CNTD1: variants seen among roughly 807,000 people sequenced by gnomAD.
The protein encoded by CNTD1 is cyclin N-terminal domain-containing protein 1.
Under a neutral mutation model 36.3 loss-of-function variants are expected in CNTD1, and 17 were observed. The ratio of observed to expected loss-of-function variants is 0.47; its 90% confidence interval spans 0.32 to 0.70. The LOEUF (loss-of-function observed/expected upper bound fraction) is 0.70. Among genes scored for constraint, CNTD1 ranks in the 30% least tolerant of loss-of-function variants. The pLI is 0.03. For synonymous variants in CNTD1, 128 were observed against 153.3 expected (o/e 0.83, Z 1.22); for missense variants, 338 against 386.1 (o/e 0.88, Z 1.04).
chr17:42,803,730 C>G lies in CNTD1; in HGVS notation c.245+35C>G, dbSNP rs762029338. 3 of 1,524,668 alleles carry G rather than the reference C, an allele frequency of 2.0e-6. No homozygotes were observed. The African/African-American group carries it at 4.1e-5, about 21-fold the overall frequency. 94.4% of individuals were successfully genotyped at this position (1,524,668 alleles called of 1,614,324 possible). ...TGGCATAATGCCTTTTGAACGGCAC[C>G]TCTCAGAGTGGCTAATGTACCTACA... is the stretch of plus-strand genomic sequence containing the variant. On this transcript the variant is annotated intron_variant, in intron 2 of 6. Coordinates refer to ENST00000588408, the MANE Select transcript of CNTD1 (RefSeq NM_173478.3).
intron 2 of CNTD1, among the ~76,000 whole-genome samples, 164 bp downstream of exon 2, chr17:42,803,859 C>T (rs1424562286): frequency 1.3e-5 from 2 of 152,160 alleles, no homozygotes; most frequent in Non-Finnish European, 2.9e-5. Context: ...TGTTTTGAGA[C>T]AGGGTCTTGC....
chr17:42,808,077 G>A (rs1007490736), intron 6 of CNTD1, among the ~76,000 whole-genome samples: 5 of 152,098 alleles, frequency 3.3e-5, no homozygotes, highest in African/African-American at 7.2e-5. Context: ...GCCCAAGTTC[G>A]GCTTGTTCAT....
intron 1 of CNTD1, among the ~76,000 whole-genome samples, chr17:42,801,511 ATATATATATATATAT>A (rs1423950244): frequency 0.015 from 886 of 60,364 alleles, 82 homozygotes; most frequent in African/African-American, 0.04. Flanking sequence ...AAAAAAAAAA[ATATATATATATATAT>A]ATATATATAT....
chr17:42,811,553 G>T lies in CNTD1; in HGVS notation c.*2018G>T. ...TCATGTGATTCTGTGCCATTTTTTT[G>T]CTTTCCCACCATTTATACTGTTTTG... On this transcript the variant is annotated 3_prime_UTR_variant, in exon 7 of 7. Coordinates refer to ENST00000588408, the MANE Select transcript of CNTD1 (RefSeq NM_173478.3). 5 of 1,453,986 alleles carry T rather than the reference G, an allele frequency of 3.4e-6. No homozygotes were observed. The highest frequency in any genetic ancestry group is 1.4e-5 in the African/African-American group (1 of 70,092). 90.1% of individuals were successfully genotyped at this position (1,453,986 alleles called of 1,614,324 possible).
chr17:42,800,027 A>G (rs1325632867), intron 1 of CNTD1, among the ~76,000 whole-genome samples: 1 of 148,586 alleles, frequency 6.7e-6, no homozygotes, highest in African/African-American at 2.5e-5. Context: ...TGGCGCCACT[A>G]CACTCCAGCC....
At chr17:42,805,662 C>CTT in intron 3 of CNTD1, 60 bp from the exon 4 acceptor site, 1 of 1,455,624 alleles carries the variant, frequency 6.9e-7, no homozygotes. Context: ...TTTGTGCACT[C>CTT]TGTCAAGACG....
chr17:42,806,911 C>T, intron 5 of CNTD1, 93 bp downstream of exon 5: 2 of 1,193,744 alleles, frequency 1.7e-6, no homozygotes, highest in Non-Finnish European at 2.4e-6. Context: ...CCTAGCATGG[C>T]ATCCAGTCCC....
intron 4 of CNTD1, among the ~76,000 whole-genome samples, chr17:42,806,328 GGT>G (rs776118105): frequency 1.1e-4 from 16 of 152,130 alleles, no homozygotes; most frequent in Non-Finnish European, 1.9e-4. Context: ...GACTGAAACA[GGT>G]GTTCCCTCCG....
At chr17:42,806,537 G>T (rs2054881816) in intron 4 of CNTD1, 137 bp from the exon 5 acceptor site, 12 of 829,686 alleles carry the variant, frequency 1.4e-5, no homozygotes, top group Non-Finnish European at 2.3e-5. Context: ...CTGATCTCCA[G>T]CTAAACAGGT....
In CNTD1 at chr17:42,811,119, T is replaced by C; in HGVS notation, c.*1584T>C. On this transcript the variant is annotated 3_prime_UTR_variant, in exon 7 of 7. Coordinates refer to ENST00000588408, the MANE Select transcript of CNTD1 (RefSeq NM_173478.3). The stretch of plus-strand genomic sequence containing the variant: ...GACTGTCACAAGAGCCTCATTGTCA[T>C]TGCAGAGTACAGGGACAGGACACAC... 1 of 558,270 alleles carries C rather than the reference T, an allele frequency of 1.8e-6. No individual in the cohort carries two copies. The highest frequency in any genetic ancestry group is 3.0e-6 in the Non-Finnish European group (1 of 331,110). The allele number at this position is 558,270 out of a possible 1,614,324, so 34.6% of individuals were successfully genotyped here. A position where few individuals can be genotyped will look rare whatever the true frequency, so the allele number is the denominator to read the frequency against.
At chr17:42,806,932 C>G in intron 5 of CNTD1, 114 bp downstream of exon 5, 1 of 901,998 alleles carries the variant, frequency 1.1e-6, no homozygotes, top group Non-Finnish European at 1.7e-6. Flanking sequence ...AGATAACCTA[C>G]TCAGGCTACC....
Position 42,806,763 on chromosome 17 carries a change from T to C in CNTD1, c.670T>C (p.Tyr224His), listed in dbSNP as rs140654383. 6.2e-7 allele frequency: 1 copy of C among 1,614,014 alleles called. No homozygotes were observed. Among genetic ancestry groups the C allele is most frequent in the African/African-American group, 1.3e-5 (1 of 74,902 alleles). The part of the protein sequence containing the change: ...DLVYLLHEPI[Y>H]ESLLRASIEN... ...GGTCTATCTTCTGCATGAACCCATA[T>C]ATGAGAGCCTGTTGAGGGCTTCAAT... Residue 224 changes from tyrosine (Y) to histidine (H), a missense_variant, in exon 5 of 7, where the codon TAT becomes CAT. Physicochemically the swap from Tyr to His is moderately conservative, Grantham distance 83 (BLOSUM62 2). Coordinates refer to ENST00000588408, the MANE Select transcript of CNTD1 (RefSeq NM_173478.3).
intron 1 of CNTD1, among the ~76,000 whole-genome samples, chr17:42,803,227 A>C (rs1349733035): frequency 6.6e-6 from 1 of 152,244 alleles, no homozygotes; most frequent in African/African-American, 2.4e-5. Flanking sequence ...CACAGAAAAC[A>C]GAATATAGGA....
At chr17:42,807,272 G>A (rs1163190388) in intron 5 of CNTD1, among the ~76,000 whole-genome samples, 4 of 152,034 alleles carry the variant, frequency 2.6e-5, no homozygotes, top group African/African-American at 4.8e-5. Flanking sequence ...AAAATTAGCC[G>A]GGCGTGGTGG....
At chr17:42,804,461 G>C in intron 3 of CNTD1, 65 bp downstream of exon 3, 1 of 1,396,716 alleles carries the variant, frequency 7.2e-7, no homozygotes, top group East Asian at 2.3e-5. Context: ...TATACAAAGG[G>C]GGGCTGTGAT....
In CNTD1 at chr17:42,809,446, G is replaced by C. The variant is rs764343401; in HGVS notation, c.904G>C (p.Val302Leu). 2 of 1,614,198 alleles carry C rather than the reference G, an allele frequency of 1.2e-6. No individual in the cohort carries two copies. The highest frequency in any genetic ancestry group is 2.2e-5 in the East Asian group (1 of 44,884). The change falls in exon 7 of 7, where the codon GTG (valine) becomes CTG (leucine). Residue 302 changes from valine to leucine, a missense_variant. By Grantham distance (32) the Val-to-Leu change is conservative (BLOSUM62 1). Transcript: ENST00000588408. ...CTCTTATGCAATCCTGACTCACGGA[G>C]TGGGAGCCAACACTCCGGGGAGACA... ...EFSYAILTHG[V>L]GANTPGRQQS...
At chr17:42,803,960 T>C (rs2054835382) in intron 2 of CNTD1, among the ~76,000 whole-genome samples, 1 of 151,942 alleles carries the variant, frequency 6.6e-6, no homozygotes, top group African/African-American at 2.4e-5. Context: ...CTCAGCTTCC[T>C]GAGTAGCTGG....
At chr17:42,801,004 G>T (rs954593228) in intron 1 of CNTD1, among the ~76,000 whole-genome samples, 2 of 152,100 alleles carry the variant, frequency 1.3e-5, no homozygotes, top group African/African-American at 4.8e-5. Context: ...GGCCAACATA[G>T]TGAAACCCTG....
chr17:42,799,101 C>T lies in CNTD1; in HGVS notation c.34C>T (p.Leu12Phe). 1 of 1,614,098 alleles carries T rather than the reference C, an allele frequency of 6.2e-7. No homozygotes were observed. The highest frequency in any genetic ancestry group is 8.5e-7 in the Non-Finnish European group (1 of 1,180,008). Residue 12 changes from leucine to phenylalanine, a missense_variant, in exon 1 of 7, where the codon CTC becomes TTC. Transcript: ENST00000588408. ...DGPMRPRSAS[L>F]VDFQFGVVAT... is the part of the protein sequence containing the mutation. The stretch of plus-strand genomic sequence containing the variant: ...ACCCATGAGGCCACGATCGGCCTCC[C>T]TCGTTGACTTTCAGTTTGGAGTTGT...
Sources: allele counts gnomAD v4.1 joint callset (sites outside exome capture counted in the v4.1 genomes callset), GRCh38; gene constraint gnomAD v4.1.1; transcripts MANE v1.5; gene names NCBI Gene and HGNC (gene_info 2026-07-23, HGNC 2026-07-21).